Variants in PAH observed in about 807,000 individuals in gnomAD.
PAH encodes the protein phenylalanine-4-hydroxylase.
In PAH, 64 loss-of-function variants were observed where a neutral mutation model predicts 62.0. That is an observed-to-expected ratio of 1.03 (90% CI 0.84 to 1.27). The LOEUF is 1.27. PAH is among the 50% of genes most tolerant of loss of function. The pLI is 0.00. For missense variants in PAH, 579 were observed against 542.8 expected, an observed-to-expected ratio of 1.07 and a Z score of -0.66; for synonymous variants, 195 against 196.2, an observed-to-expected ratio of 0.99 and a Z score of 0.05.
chr12:102,895,832 G>T (rs1877472770), intron 2 of PAH, among the ~76,000 whole-genome samples: 1 of 144,290 alleles, frequency 6.9e-6, no homozygotes, highest in Admixed American at 7.0e-5. Flanking sequence ...TCCAGCCTGG[G>T]CGACAGAGCG....
chr12:102,865,225 GAAGT>G (rs1189124606), intron 5 of PAH, among the ~76,000 whole-genome samples: 4 of 152,162 alleles, frequency 2.6e-5, no homozygotes, highest in African/African-American at 9.7e-5. Flanking sequence ...CAGCAACCCA[GAAGT>G]AAGTGAATGT....
intron 3 of PAH, among the ~76,000 whole-genome samples, chr12:102,882,451 T>A (rs1402405618): frequency 1.3e-5 from 2 of 152,068 alleles, no homozygotes; most frequent in Non-Finnish European, 2.9e-5. Context: ...ATAGTAGTAC[T>A]AGAAAGTATT....
chr12:102,948,810 TGATTTG>T (rs1879609326), intron 1 of PAH, among the ~76,000 whole-genome samples: 1 of 152,232 alleles, frequency 6.6e-6, no homozygotes, highest in Non-Finnish European at 1.5e-5. Context: ...TGCCAGATTC[TGATTTG>T]GTGGGTCTGG....
chr12:102,864,984 A>T (rs575010530), intron 5 of PAH, among the ~76,000 whole-genome samples: 2 of 152,204 alleles, frequency 1.3e-5, no homozygotes, highest in African/African-American at 2.4e-5. Context: ...GACCTTCGGC[A>T]CATCAGTTAG....
intron 11 of PAH, 25 bp from the exon 12 acceptor site, chr12:102,840,540 G>A (rs775090702): frequency 3.4e-6 from 5 of 1,471,006 alleles, no homozygotes; most frequent in Non-Finnish European, 4.8e-6. Flanking sequence ...ACAGGCTTGA[G>A]TGAAGGGCAC....
intron 8 of PAH, among the ~76,000 whole-genome samples, chr12:102,850,235 G>A (rs869916): frequency 6.6e-6 from 1 of 152,078 alleles, no homozygotes; most frequent in Admixed American, 6.5e-5. Flanking sequence ...AACTAATCCC[G>A]AAACACTTCC....
intron 1 of PAH, among the ~76,000 whole-genome samples, chr12:102,946,971 G>T (rs1164475565): frequency 6.6e-6 from 1 of 152,110 alleles, no homozygotes; most frequent in Admixed American, 6.5e-5. Context: ...TTATACGTGT[G>T]ACTGTGACAT....
intron 3 of PAH, among the ~76,000 whole-genome samples, chr12:102,884,976 T>G (rs533374943): frequency 2.0e-5 from 3 of 152,338 alleles, no homozygotes; most frequent in Admixed American, 6.5e-5. Context: ...TCAAGATCAC[T>G]GAGCTAGCTG....
At chr12:102,846,323 A>C (rs1874840791) in intron 9 of PAH, among the ~76,000 whole-genome samples, 1 of 152,222 alleles carries the variant, frequency 6.6e-6, no homozygotes, top group Admixed American at 6.5e-5. Context: ...TTCAACTTCC[A>C]GGACAGGCAA....
At chr12:102,859,025 G>T (rs1875582897) in intron 5 of PAH, among the ~76,000 whole-genome samples, 1 of 152,072 alleles carries the variant, frequency 6.6e-6, no homozygotes, top group Non-Finnish European at 1.5e-5. Flanking sequence ...AAAAATCAAT[G>T]AATCCAGGAG....
At chr12:102,896,029 A>G (rs1300180928) in intron 2 of PAH, among the ~76,000 whole-genome samples, 4 of 152,086 alleles carry the variant, frequency 2.6e-5, no homozygotes, top group Non-Finnish European at 5.9e-5. Context: ...TAAAGCTTAC[A>G]TTCAAGTTGA....
chr12:102,922,134 T>C (rs1305482615), upstream of PAH, among the ~76,000 whole-genome samples: 1 of 151,884 alleles, frequency 6.6e-6, no homozygotes, highest in Non-Finnish European at 1.5e-5. Flanking sequence ...TATATGCATA[T>C]ATTCCTTCCC....
intron 1 of PAH, among the ~76,000 whole-genome samples, chr12:102,914,275 A>G (rs1037271127): frequency 6.6e-6 from 1 of 152,242 alleles, no homozygotes; most frequent in African/African-American, 2.4e-5. Context: ...AACTTCATTT[A>G]TTTAGAGCCT....
intron 7 of PAH, 111 bp from the exon 8 acceptor site, chr12:102,851,867 C>CT: frequency 2.6e-6 from 2 of 776,248 alleles, no homozygotes; most frequent in Non-Finnish European, 4.5e-6. Context: ...CTCTTTTAGG[C>CT]TTATGATCCC....
rs1477313214 is a variant in PAH at position 102,846,893 on chromosome 12, A to C, written c.969+2T>G. ...ATCCACCCAGGGAGAGAAGGGACTTACTGTGGCGAGCTTTTCAATGTATTC... is the reference window on the plus strand; with the variant it reads ...ATCCACCCAGGGAGAGAAGGGACTTCCTGTGGCGAGCTTTTCAATGTATTC... On this transcript the variant is annotated splice_donor_variant, in intron 9 of 12. Transcript: ENST00000553106. LOFTEE classifies it high-confidence loss of function. 6.2e-7 allele frequency: 1 copy of C among 1,612,884 alleles called. No homozygotes were observed. Among genetic ancestry groups the C allele is most frequent in the South Asian group, 1.1e-5 (1 of 91,046 alleles).
At chr12:102,929,202 C>T (rs1878773959) in intron 1 of PAH, among the ~76,000 whole-genome samples, 1 of 152,042 alleles carries the variant, frequency 6.6e-6, no homozygotes, top group Admixed American at 6.6e-5. Context: ...TATTAATTAC[C>T]CGGTCTTGGG....
intron 5 of PAH, among the ~76,000 whole-genome samples, chr12:102,857,063 G>T (rs942789787): frequency 6.6e-6 from 1 of 152,194 alleles, no homozygotes; most frequent in African/African-American, 2.4e-5. Flanking sequence ...CCATTGCAAA[G>T]AAGCTAAAAA....
chr12:102,916,206 T>C (rs1319360015), intron 1 of PAH, among the ~76,000 whole-genome samples: 2 of 152,162 alleles, frequency 1.3e-5, no homozygotes, highest in Admixed American at 6.5e-5. Context: ...TCTAGTTATA[T>C]TAACGTTAAC....
rs771176183 is a variant in PAH at position 102,917,158 on chromosome 12, G to T, written c.-28C>A. 6.2e-7 allele frequency: 1 copy of T among 1,610,044 alleles called. No homozygotes were observed. The highest frequency in any genetic ancestry group is 1.3e-5 in the African/African-American group (1 of 74,840). ...TGGCTCCCCGGGAGTGAGGTCTCTGGCTTTTTAGGGCCTCAGGTACAGGCA... is the reference window on the plus strand; with the variant it reads ...TGGCTCCCCGGGAGTGAGGTCTCTGTCTTTTTAGGGCCTCAGGTACAGGCA... On this transcript the variant is annotated 5_prime_UTR_variant, in exon 1 of 13. Transcript: ENST00000553106.
Sources: allele counts gnomAD v4.1 joint callset (sites outside exome capture counted in the v4.1 genomes callset), GRCh38; gene constraint gnomAD v4.1.1; transcripts MANE v1.5; gene names NCBI Gene and HGNC (gene_info 2026-07-23, HGNC 2026-07-21).